Variants in SAMMSON observed in about 807,000 individuals in gnomAD.
SAMMSON encodes survival associated mitochondrial melanoma specific oncogenic non-coding RNA.
At chr3:70,119,448 A>C (rs1464883466) in intron 4 of SAMMSON, among the ~76,000 whole-genome samples, 1 of 152,232 alleles carries the variant, frequency 6.6e-6, no homozygotes, top group Non-Finnish European at 1.5e-5. Flanking sequence ...GACTGGGCTG[A>C]AATAGCACAT....
intron 4 of SAMMSON, among the ~76,000 whole-genome samples, chr3:70,088,165 C>T (rs1231094590): frequency 1.3e-5 from 2 of 152,176 alleles, no homozygotes; most frequent in Non-Finnish European, 2.9e-5. Context: ...AGAGTTCATG[C>T]AACCTTAGGA....
chr3:70,293,372 G>A (rs573845544), intron 7 of SAMMSON, among the ~76,000 whole-genome samples: 12 of 152,138 alleles, frequency 7.9e-5, no homozygotes, highest in Admixed American at 6.5e-4. Flanking sequence ...ACTTAGAAGT[G>A]GAATAACTAA....
chr3:70,377,462 A>ACC (rs1273863754), intron 9 of SAMMSON, among the ~76,000 whole-genome samples: 2 of 152,076 alleles, frequency 1.3e-5, no homozygotes, highest in African/African-American at 4.8e-5. Flanking sequence ...AATTTTGGAC[A>ACC]CCCCACTCCA....
chr3:70,005,782 C>T (rs1000670027), intron 1 of SAMMSON, among the ~76,000 whole-genome samples: 1 of 152,208 alleles, frequency 6.6e-6, no homozygotes, highest in Non-Finnish European at 1.5e-5. Flanking sequence ...CACATTGCTT[C>T]TTTCAAACTT....
chr3:70,323,543 T>A (rs1323362884), intron 7 of SAMMSON, among the ~76,000 whole-genome samples: 2 of 152,176 alleles, frequency 1.3e-5, no homozygotes, highest in African/African-American at 4.8e-5. Flanking sequence ...CCAGGGTGTG[T>A]GAGATGGCTT....
intron 9 of SAMMSON, among the ~76,000 whole-genome samples, chr3:70,362,479 C>T (rs1371189080): frequency 6.6e-6 from 1 of 151,586 alleles, no homozygotes; most frequent in African/African-American, 2.4e-5. Flanking sequence ...AGAACCATAC[C>T]AATAGTTTTT....
At chr3:70,140,707 A>G (rs75995946) in intron 4 of SAMMSON, among the ~76,000 whole-genome samples, 4,763 of 152,256 alleles carry the variant, frequency 0.031, 160 homozygotes, top group East Asian at 0.19. Flanking sequence ...CAAATATCCA[A>G]TTTCTTTGCT....
At chr3:70,243,179 A>G (rs959088142) in intron 4 of SAMMSON, among the ~76,000 whole-genome samples, 6 of 152,144 alleles carry the variant, frequency 3.9e-5, no homozygotes, top group South Asian at 2.1e-4. Flanking sequence ...TCTTTGGCTC[A>G]TGAACATCTT....
intron 3 of SAMMSON, among the ~76,000 whole-genome samples, chr3:70,026,071 TA>T (rs1425976329): frequency 2.0e-5 from 3 of 152,140 alleles, no homozygotes; most frequent in East Asian, 3.9e-4. Flanking sequence ...TTTATAAAAG[TA>T]AAAAAAGAGA....
intron 4 of SAMMSON, chr3:70,206,902 G>C (rs2106724727): frequency 2.5e-6 from 1 of 394,628 alleles, no homozygotes; most frequent in East Asian, 3.6e-5. Context: ...AAAGTCTTAA[G>C]AAAACAAATG....
rs180783907 is a variant in SAMMSON at position 70,157,624 on chromosome 3, C to T, written n.507+86059C>T. 3.3e-5 allele frequency among the ~76,000 whole-genome samples: 5 copies of T among 152,014 alleles called. No homozygotes were observed. The East Asian group carries it at 9.7e-4, about 29-fold the overall frequency. The stretch of plus-strand genomic sequence containing the variant: ...CAGATTAAGAATGTCTAGGGGTAAT[C>T]GTTTAACAAAAATGGCTGAAGCAGA... On this transcript the variant is annotated intron_variant and non_coding_transcript_variant, in intron 4 of 9. Coordinates refer to ENST00000642114, the Ensembl canonical transcript of SAMMSON.
At chr3:70,300,619 A>G (rs1702337836) in intron 7 of SAMMSON, among the ~76,000 whole-genome samples, 1 of 152,068 alleles carries the variant, frequency 6.6e-6, no homozygotes, top group Non-Finnish European at 1.5e-5. Flanking sequence ...TTCATCTCTA[A>G]AATAAAAAGA....
intron 4 of SAMMSON, among the ~76,000 whole-genome samples, chr3:70,220,417 G>A (rs1701452155): frequency 1.3e-5 from 2 of 151,940 alleles, no homozygotes; most frequent in Admixed American, 6.6e-5. Flanking sequence ...CCACCTGGGA[G>A]ACAGAGCAAG....
intron 3 of SAMMSON, among the ~76,000 whole-genome samples, chr3:70,061,208 G>A (rs1387492070): frequency 6.6e-6 from 1 of 152,026 alleles, no homozygotes; most frequent in African/African-American, 2.4e-5. Context: ...ATTTGGGTTT[G>A]CGTGTGTTGT....
chr3:70,180,035 C>T (rs11915162), intron 4 of SAMMSON, among the ~76,000 whole-genome samples: 1,504 of 140,522 alleles, frequency 0.011, 19 homozygotes, highest in African/African-American at 0.037. Flanking sequence ...TGTGCGCGCA[C>T]GTGTGTGTGA....
chr3:70,222,342 T>G (rs2106737678), intron 4 of SAMMSON, among the ~76,000 whole-genome samples: 1 of 152,334 alleles, frequency 6.6e-6, no homozygotes, highest in South Asian at 2.1e-4. Context: ...ACTACTCATT[T>G]TAGCTCATTG....
At chr3:70,363,419 T>C (rs1702892584) in intron 9 of SAMMSON, among the ~76,000 whole-genome samples, 1 of 151,858 alleles carries the variant, frequency 6.6e-6, no homozygotes, top group African/African-American at 2.4e-5. Context: ...ATCTTATACC[T>C]AGAAAAACCT....
Position 70,322,265 on chromosome 3 carries a change from A to G in SAMMSON, n.739+31022A>G, listed in dbSNP as rs1337872180. Among the ~76,000 whole-genome samples, 4 of 152,166 alleles carry G rather than the reference A, an allele frequency of 2.6e-5. 1 individual carries two copies. Among genetic ancestry groups the G allele is most frequent in the African/African-American group, 9.6e-5 (4 of 41,452 alleles). On this transcript the variant is annotated intron_variant and non_coding_transcript_variant, in intron 7 of 9. Transcript: ENST00000642114. ...ATTGACCGAGGTATGATTATGCTTAAGGCAAAGTCCTCTTTAACCAATACA... is the reference window on the plus strand; with the variant it reads ...ATTGACCGAGGTATGATTATGCTTAGGGCAAAGTCCTCTTTAACCAATACA...
intron 9 of SAMMSON, among the ~76,000 whole-genome samples, chr3:70,376,155 G>A (rs1703012747): frequency 6.6e-6 from 1 of 152,132 alleles, no homozygotes; most frequent in Non-Finnish European, 1.5e-5. Flanking sequence ...GAGACAATAA[G>A]GAACAAGTTG....
Sources: gnomAD v4.1 joint callset for allele counts (sites outside exome capture counted in the v4.1 genomes callset) on GRCh38, gnomAD v4.1.1 for gene constraint, MANE v1.5 for transcripts, NCBI Gene and HGNC (gene_info 2026-07-23, HGNC 2026-07-21) for gene names.